Variants in OR2L13 observed in about 807,000 individuals in gnomAD.
OR2L13 encodes the protein olfactory receptor 2L13.
A neutral mutation model predicts 15.3 loss-of-function variants in OR2L13; 14 were observed. The ratio of observed to expected loss-of-function variants is 0.91; its 90% confidence interval spans 0.60 to 1.43. The LOEUF (loss-of-function observed/expected upper bound fraction) is 1.43. Ranked by LOEUF, OR2L13 falls within the 40% of genes most tolerant of loss-of-function variation. The pLI is 0.00. For synonymous variants in OR2L13, 152 were observed against 142.9 expected (o/e 1.06, Z -0.45); for missense variants, 367 against 387.9 (o/e 0.95, Z 0.45).
the OR2L13 span, among the ~76,000 whole-genome samples, chr1:247,965,026 A>ATATATTTC: frequency 6.7e-6 from 1 of 150,260 alleles, no homozygotes; most frequent in Non-Finnish European, 1.5e-5. Context: ...ATACATTTAC[A>ATATATTTC]TATATTTCTA....
the OR2L13 span, among the ~76,000 whole-genome samples, chr1:247,999,827 A>G: frequency 5.3e-5 from 8 of 152,176 alleles, no homozygotes; most frequent in Non-Finnish European, 8.8e-5. Flanking sequence ...CATGGAGTCA[A>G]TGACTTCACT....
the OR2L13 span, among the ~76,000 whole-genome samples, chr1:248,068,248 C>T: frequency 6.6e-6 from 1 of 152,120 alleles, no homozygotes; most frequent in South Asian, 2.1e-4. Flanking sequence ...AGGCACCCCC[C>T]AGTAGGGGCA....
the OR2L13 span, among the ~76,000 whole-genome samples, chr1:247,976,047 G>T: frequency 6.6e-6 from 1 of 152,166 alleles, no homozygotes; most frequent in East Asian, 1.9e-4. Context: ...AGATAGTATT[G>T]TATTTTCTCT....
At chr1:248,038,862 T>C in the OR2L13 span, 3 of 1,613,934 alleles carry the variant, frequency 1.9e-6, no homozygotes. Flanking sequence ...GAGCACAGTG[T>C]TTTTGAGCAG....
the OR2L13 span, among the ~76,000 whole-genome samples, chr1:247,939,959 A>G: frequency 6.6e-6 from 1 of 152,200 alleles, no homozygotes; most frequent in Admixed American, 6.5e-5. Context: ...TATATTAAAA[A>G]CATGTACTAA....
At chr1:248,100,220 C>T in exon 3 of OR2L13, 1 of 1,613,482 alleles carries the variant, frequency 6.2e-7, no homozygotes, top group South Asian at 1.1e-5. Flanking sequence ...ATCCTTACCC[C>T]CATGCTCAAT....
chr1:247,990,187 C>T, the OR2L13 span: 1 of 580,688 alleles, frequency 1.7e-6, no homozygotes. Flanking sequence ...GCTTGAAATG[C>T]ATCCCCTGCA....
the OR2L13 span, chr1:247,975,518 C>T: frequency 9.4e-7 from 1 of 1,060,954 alleles, no homozygotes; most frequent in African/African-American, 1.6e-5. Flanking sequence ...TACCTGCAAT[C>T]TCCAACAGAG....
chr1:248,067,238 A>C, the OR2L13 span, among the ~76,000 whole-genome samples: 7,952 of 152,260 alleles, frequency 0.052, 700 homozygotes, highest in African/African-American at 0.18. Flanking sequence ...ATATTATAGC[A>C]GAACTGTCTA....
the OR2L13 span, among the ~76,000 whole-genome samples, chr1:247,947,771 G>C: frequency 6.6e-6 from 1 of 152,080 alleles, no homozygotes; most frequent in African/African-American, 2.4e-5. Flanking sequence ...TCCGTAAAAG[G>C]GACATAGCAA....
At chr1:247,986,956 G>A in the OR2L13 span, among the ~76,000 whole-genome samples, 1 of 152,068 alleles carries the variant, frequency 6.6e-6, no homozygotes, top group Non-Finnish European at 1.5e-5. Flanking sequence ...CCATTTATTT[G>A]TGTCTTCTTT....
the OR2L13 span, among the ~76,000 whole-genome samples, chr1:247,960,921 C>T: frequency 8.5e-5 from 13 of 152,146 alleles, no homozygotes; most frequent in Admixed American, 2.0e-4. Flanking sequence ...CTTTGGCTCA[C>T]GCTCAGTGTG....
the OR2L13 span, chr1:248,038,980 C>T: frequency 6.2e-7 from 1 of 1,613,976 alleles, no homozygotes; most frequent in African/African-American, 1.3e-5. Flanking sequence ...AAGGCCTATT[C>T]AACCTGTAGC....
the OR2L13 span, among the ~76,000 whole-genome samples, chr1:248,057,001 G>T: frequency 5.9e-5 from 9 of 152,124 alleles, no homozygotes; most frequent in African/African-American, 2.2e-4. Context: ...TGGTCTGAGA[G>T]ACTGTTTGTT....
the OR2L13 span, among the ~76,000 whole-genome samples, chr1:247,996,672 T>C: frequency 6.6e-6 from 1 of 152,196 alleles, no homozygotes; most frequent in African/African-American, 2.4e-5. Flanking sequence ...CACCTAAACA[T>C]CTTTCTTTTT....
chr1:247,996,539 G>A, the OR2L13 span, among the ~76,000 whole-genome samples: 1 of 152,176 alleles, frequency 6.6e-6, no homozygotes, highest in African/African-American at 2.4e-5. Context: ...TACTGTAGAA[G>A]TGTAAAATAG....
At chr1:248,040,509 C>G in the OR2L13 span, 1 of 152,360 alleles carries the variant, frequency 6.6e-6, no homozygotes, top group Admixed American at 6.5e-5. Context: ...CTCTCCTCCT[C>G]TTCCTCCGCC....
At chr1:247,974,300 G>A in the OR2L13 span, among the ~76,000 whole-genome samples, 17 of 151,972 alleles carry the variant, frequency 1.1e-4, no homozygotes, top group Non-Finnish European at 2.5e-4. Flanking sequence ...ATAGCATTAG[G>A]ACAAATACCT....
the OR2L13 span, chr1:248,083,478 T>G: frequency 1.6e-6 from 1 of 640,512 alleles, no homozygotes; most frequent in African/African-American, 1.8e-5. Context: ...TCAAAAATGG[T>G]ATCTCTCAAT....
Sources: gnomAD v4.1 joint callset for allele counts (sites outside exome capture counted in the v4.1 genomes callset) on GRCh38, gnomAD v4.1.1 for gene constraint, MANE v1.5 for transcripts, NCBI Gene and HGNC (gene_info 2026-07-23, HGNC 2026-07-21) for gene names.